CACNA1C: variants seen among roughly 807,000 people sequenced by gnomAD.
CACNA1C encodes calcium voltage-gated channel subunit alpha1 C, also known as voltage-dependent L-type calcium channel subunit alpha-1C.
CACNA1C carries 30 observed loss-of-function variants against 229.0 expected under a neutral mutation model. The observed-to-expected ratio is 0.13, with a 90% confidence interval of 0.10 to 0.18. The LOEUF (loss-of-function observed/expected upper bound fraction) is 0.18, where lower values mean the gene tolerates loss of function less well. Among genes scored for constraint, CACNA1C ranks in the 10% least tolerant of loss-of-function variants. CACNA1C has a pLI of 1.00. For synonymous variants in CACNA1C, 1,114 were observed against 1,132.5 expected, an observed-to-expected ratio of 0.98 and a Z score of 0.33; for missense variants, 1,658 against 2,845.0, an observed-to-expected ratio of 0.58 and a Z score of 9.49.
chr12:2,127,100 A>G (rs2090399558), intron 3 of CACNA1C, among the ~76,000 whole-genome samples: 1 of 152,178 alleles, frequency 6.6e-6, no homozygotes, highest in South Asian at 2.1e-4. Context: ...GAGGGAGAGC[A>G]CTGGTGGGGG....
rs1480328362 is a variant in CACNA1C, at chr12:2,053,422, A to G, written c.-141A>G. The G allele has an allele frequency of 2.8e-6, 4 of 1,416,298 alleles. No individual in the cohort carries two copies. In the South Asian group the frequency reaches 6.4e-5, roughly 23 times the overall value. The allele number at this position is 1,416,298 out of a possible 1,614,324, so 87.7% of individuals were successfully genotyped here. On this transcript the variant is annotated 5_prime_UTR_variant, in exon 1 of 47. Coordinates refer to ENST00000399655, the MANE Select transcript of CACNA1C (RefSeq NM_000719.7). This position sits in a 1 kb window ranked among gnomAD's most constrained non-coding sequence, Gnocchi z 5.8. Reference sequence around the variant, plus strand: ...AGGTAATCGTCGGCGGGGAAGAAGAAACGCTGCAGACCACGGCTTCCTCGA... The same window carrying G: ...AGGTAATCGTCGGCGGGGAAGAAGAGACGCTGCAGACCACGGCTTCCTCGA...
At chr12:1,981,318 G>C (rs984632260) in intron 1 of CACNA1C, among the ~76,000 whole-genome samples, 1 of 152,298 alleles carries the variant, frequency 6.6e-6, no homozygotes, top group South Asian at 2.1e-4. Flanking sequence ...TGAACTTTTA[G>C]GTTAAGTTTC....
chr12:2,682,894 GAC>G (rs1173020760), intron 43 of CACNA1C, among the ~76,000 whole-genome samples: 1 of 432 alleles, frequency 2.3e-3, no homozygotes, highest in African/African-American at 6.8e-3. Context: ...CACACACACA[GAC>G]ACACACAACA....
In CACNA1C at chr12:2,533,793, G is replaced by A. The variant is rs893727110; in HGVS notation, c.1391-16150G>A. Among the ~76,000 whole-genome samples, 10 of 152,106 alleles carry A rather than the reference G, an allele frequency of 6.6e-5. No individual in the cohort carries two copies. The East Asian group carries it at 1.2e-3, about 18-fold the overall frequency. Reference sequence around the variant, plus strand: ...TGGAGAAGGCCTGCGTCCCTGTCCCGGTTCTGCTCTCGGCAGCCTCAGTTT... The same window carrying A: ...TGGAGAAGGCCTGCGTCCCTGTCCCAGTTCTGCTCTCGGCAGCCTCAGTTT... On this transcript the variant is annotated intron_variant, in intron 9 of 46. Coordinates refer to ENST00000399655, the MANE Select transcript of CACNA1C (RefSeq NM_000719.7).
chr12:2,215,750 T>G lies in CACNA1C; in HGVS notation c.477+95320T>G, dbSNP rs1035055712. Among the ~76,000 whole-genome samples, 1 of 152,070 alleles carries G rather than the reference T, an allele frequency of 6.6e-6. No individual in the cohort carries two copies. Among genetic ancestry groups the G allele is most frequent in the Non-Finnish European group, 1.5e-5 (1 of 68,014 alleles). Reference sequence around the variant, plus strand: ...GCCATGGCTTCAGCTTCCAGTACCCTGTTTGGAGGGCTCTTTGCAAAGAGG... The same window carrying G: ...GCCATGGCTTCAGCTTCCAGTACCCGGTTTGGAGGGCTCTTTGCAAAGAGG... On this transcript the variant is annotated intron_variant, in intron 3 of 46. Coordinates refer to ENST00000399655, the MANE Select transcript of CACNA1C (RefSeq NM_000719.7). The surrounding 1 kb of genome is among the most constrained non-coding windows in gnomAD (Gnocchi z 5.0).
upstream of CACNA1C, among the ~76,000 whole-genome samples, chr12:2,052,503 G>A (rs554558429): frequency 2.0e-5 from 3 of 151,822 alleles, no homozygotes; most frequent in South Asian, 6.2e-4. Flanking sequence ...GGCGTGGCCG[G>A]CCCAGCAGGG....
intron 3 of CACNA1C, among the ~76,000 whole-genome samples, chr12:2,241,475 A>T: frequency 6.6e-6 from 1 of 152,050 alleles, no homozygotes; most frequent in East Asian, 1.9e-4. Context: ...GGATGGGATC[A>T]ATTGCAAAAC....
At position 2,544,169 on chromosome 12, in the gene CACNA1C, C is replaced by T. The variant is rs367803562; in HGVS notation, c.1391-5774C>T. 3.9e-5 allele frequency among the ~76,000 whole-genome samples: 6 copies of T among 152,032 alleles called. No homozygotes were observed. The South Asian group carries it at 6.2e-4, about 16-fold the overall frequency. ...AAGTGAAAAAAAAAAAAAAACCTGC[C>T]GGTTATGAAGTTTCTGTTCCACACT... On this transcript the variant is annotated intron_variant, in intron 9 of 46. Coordinates refer to ENST00000399655, the MANE Select transcript of CACNA1C (RefSeq NM_000719.7).
At chr12:2,205,759 G>C (rs1008906677) in intron 3 of CACNA1C, among the ~76,000 whole-genome samples, 1 of 152,170 alleles carries the variant, frequency 6.6e-6, no homozygotes, top group Non-Finnish European at 1.5e-5. Context: ...CTACAAAGAC[G>C]GAAATGTATT....
intron 3 of CACNA1C, among the ~76,000 whole-genome samples, chr12:2,388,353 G>C (rs566132719): frequency 3.9e-4 from 60 of 152,346 alleles, no homozygotes; most frequent in African/African-American, 1.3e-3. Context: ...TGAGGTGATG[G>C]ATTAGTTGAT....
chr12:2,311,537 C>G (rs1286530191), intron 3 of CACNA1C, among the ~76,000 whole-genome samples: 1 of 152,176 alleles, frequency 6.6e-6, no homozygotes, highest in Non-Finnish European at 1.5e-5. Flanking sequence ...TGAGAAGAGG[C>G]TGCTTAAGCC....
intron 5 of CACNA1C, among the ~76,000 whole-genome samples, chr12:2,474,223 C>A (rs1250745522): frequency 6.6e-6 from 1 of 152,160 alleles, no homozygotes; most frequent in African/African-American, 2.4e-5. Flanking sequence ...TGAGTGCAAC[C>A]AAGCCACCTT....
intron 3 of CACNA1C, among the ~76,000 whole-genome samples, chr12:2,400,775 A>G (rs2098666285): frequency 6.6e-6 from 1 of 152,120 alleles, no homozygotes; most frequent in Non-Finnish European, 1.5e-5. Context: ...CGGCCCTGAC[A>G]GTGCCTGACA....
intron 8 of CACNA1C, among the ~76,000 whole-genome samples, chr12:2,511,108 A>G (rs1183382239): frequency 2.6e-5 from 4 of 152,258 alleles, no homozygotes; most frequent in African/African-American, 9.6e-5. Context: ...CAGCAAGTAC[A>G]ATCCAATTAG....
At chr12:2,459,862 G>A (rs560971531) in intron 5 of CACNA1C, among the ~76,000 whole-genome samples, 1 of 152,304 alleles carries the variant, frequency 6.6e-6, no homozygotes, top group East Asian at 1.9e-4. Context: ...TTTATTAGGG[G>A]CCTGCAATTT....
rs554574799 is a variant in CACNA1C, at chr12:2,667,697, G to A, written c.4623+915G>A. 3.9e-5 allele frequency among the ~76,000 whole-genome samples: 6 copies of A among 152,294 alleles called. No individual in the cohort carries two copies. In the South Asian group the frequency reaches 6.2e-4, roughly 16 times the overall value. On this transcript the variant is annotated intron_variant, in intron 37 of 46. Coordinates refer to ENST00000399655, the MANE Select transcript of CACNA1C (RefSeq NM_000719.7). ...CTAAAGTGCGTCCGTTGTGGCCTCCGGACGGGCCTGGGCAGGCTGAAGCCT... is the reference window on the plus strand; with the variant it reads ...CTAAAGTGCGTCCGTTGTGGCCTCCAGACGGGCCTGGGCAGGCTGAAGCCT...
At chr12:2,648,578 C>T (rs1603306062) in intron 31 of CACNA1C, 71 bp downstream of exon 31, 20 of 1,439,004 alleles carry the variant, frequency 1.4e-5, no homozygotes, top group African/African-American at 4.2e-5. Flanking sequence ...CTCCCCACCC[C>T]GAACTCCAGA....
chr12:2,671,650 A>G (rs10744567), intron 38 of CACNA1C, among the ~76,000 whole-genome samples: 99,384 of 152,106 alleles, frequency 0.65, 37,046 homozygotes, highest in South Asian at 0.84. Flanking sequence ...TTCACTGTCA[A>G]AGCCAACCAC....
At chr12:2,174,266 C>T (rs1183158863) in intron 3 of CACNA1C, among the ~76,000 whole-genome samples, 1 of 152,102 alleles carries the variant, frequency 6.6e-6, no homozygotes, top group Non-Finnish European at 1.5e-5. Flanking sequence ...GAGGTGCTTT[C>T]TCTAGAAGGG....
Sources: gnomAD v4.1 joint callset for allele counts (sites outside exome capture counted in the v4.1 genomes callset) on GRCh38, gnomAD v4.1.1 for gene constraint, Gnocchi (gnomAD v3.1) non-coding constraint, MANE v1.5 for transcripts, NCBI Gene and HGNC (gene_info 2026-07-23, HGNC 2026-07-21) for gene names.